The following LNPK variants were observed in gnomAD, a reference collection of about 807,000 sequenced individuals.
The protein encoded by LNPK is lunapark, ER junction formation factor.
A neutral mutation model predicts 55.2 loss-of-function variants in LNPK; 29 were observed. The observed-to-expected ratio is 0.53, with a 90% CI of 0.39 to 0.72. LNPK has a LOEUF of 0.72. Among genes scored for constraint, LNPK ranks in the 30% least tolerant of loss-of-function variants. The probability of loss-of-function intolerance (pLI) is 0.00; values close to 1 mark genes in which losing one functional copy is unlikely to be tolerated. For missense variants in LNPK, 467 were observed against 494.8 expected (o/e 0.94, Z 0.53); for synonymous variants, 162 against 168.2 (o/e 0.96, Z 0.29).
chr2:175,957,905 T>C (rs1434346811), intron 8 of LNPK, among the ~76,000 whole-genome samples: 1 of 152,224 alleles, frequency 6.6e-6, no homozygotes, highest in Non-Finnish European at 1.5e-5. Flanking sequence ...CAGGGGATTA[T>C]ATCCCGTGTC....
intron 4 of LNPK, among the ~76,000 whole-genome samples, chr2:175,989,363 TA>T (rs1687582709): frequency 6.6e-6 from 1 of 151,914 alleles, no homozygotes; most frequent in Non-Finnish European, 1.5e-5. Flanking sequence ...CAAAAACAAA[TA>T]AAAAAATTAT....
At chr2:175,971,203 A>T (rs1237234179) in intron 5 of LNPK, among the ~76,000 whole-genome samples, 2 of 152,136 alleles carry the variant, frequency 1.3e-5, no homozygotes. Flanking sequence ...TTTGTTTATA[A>T]GGAAATAAAT....
intron 4 of LNPK, among the ~76,000 whole-genome samples, chr2:175,988,174 C>G (rs1359840978): frequency 6.6e-6 from 1 of 151,958 alleles, no homozygotes; most frequent in Non-Finnish European, 1.5e-5. Context: ...TCCAATTTAT[C>G]AAAATGTTTT....
intron 12 of LNPK, among the ~76,000 whole-genome samples, chr2:175,934,630 C>T (rs1168195644): frequency 2.0e-5 from 3 of 151,936 alleles, no homozygotes; most frequent in Non-Finnish European, 4.4e-5. Flanking sequence ...TATCACATAC[C>T]ATAAAAAGAA....
At chr2:175,965,186 G>A (rs819041) in intron 6 of LNPK, among the ~76,000 whole-genome samples, 41,486 of 152,040 alleles carry the variant, frequency 0.27, 6,264 homozygotes, top group South Asian at 0.42. Context: ...AACAACTTTA[G>A]AGGAAAAAAC....
At chr2:175,950,488 T>C (rs1685343415) in intron 8 of LNPK, among the ~76,000 whole-genome samples, 1 of 152,136 alleles carries the variant, frequency 6.6e-6, no homozygotes, top group African/African-American at 2.4e-5. Flanking sequence ...ATAAATTGTA[T>C]GCAAGTATGT....
intron 4 of LNPK, among the ~76,000 whole-genome samples, chr2:175,984,406 C>G (rs1687315019): frequency 6.6e-6 from 1 of 151,974 alleles, no homozygotes; most frequent in African/African-American, 2.4e-5. Context: ...GAACTCCTGA[C>G]TTCATGATCT....
At chr2:175,981,441 G>A (rs1417313594) in intron 4 of LNPK, among the ~76,000 whole-genome samples, 1 of 152,168 alleles carries the variant, frequency 6.6e-6, no homozygotes, top group African/African-American at 2.4e-5. Context: ...ATCAGCCAAA[G>A]TGAGTAGGAT....
chr2:175,986,970 GA>G (rs745941194), intron 4 of LNPK, among the ~76,000 whole-genome samples: 191 of 119,048 alleles, frequency 1.6e-3, no homozygotes, highest in African/African-American at 4.4e-3. Flanking sequence ...TATCAAACAA[GA>G]AAAAAAAAAA....
At position 175,993,751 on chromosome 2, in the gene LNPK, C is replaced by A. The variant is rs746802277; in HGVS notation, c.28-528G>T. 4.0e-5 allele frequency among the ~76,000 whole-genome samples: 6 copies of A among 151,868 alleles called. No individual in the cohort carries two copies. The East Asian group carries it at 1.2e-3, about 29-fold the overall frequency. ...GAGGTTGCAGTGAGCCGAGATCGCA[C>A]CACTGCACTCCAGCCTGGGTGACAG... On this transcript the variant is annotated intron_variant, in intron 2 of 12. Coordinates refer to ENST00000272748, the MANE Select transcript of LNPK (RefSeq NM_030650.3).
rs530269911 is a variant in LNPK at position 175,960,463 on chromosome 2, G to GGTAAATAACAAAATGAAGGC, written c.493+3889_493+3908dup. Reference sequence around the variant, plus strand: ...ACAACCTGCTCCTGAATGACTACTAGGTAAATAACAAAATGAAGGCAGAAA... The same window carrying GGTAAATAACAAAATGAAGGC: ...ACAACCTGCTCCTGAATGACTACTAGGTAAATAACAAAATGAAGGCGTAAATAACAAAATGAAGGCAGAAA... On this transcript the variant is annotated intron_variant, in intron 8 of 12. Transcript: ENST00000272748. Among the ~76,000 whole-genome samples the GGTAAATAACAAAATGAAGGC allele has an allele frequency of 1.0e-3, 159 of 152,084 alleles. 1 individual carries two copies. The highest frequency in any genetic ancestry group is 3.4e-3 in the African/African-American group (142 of 41,476).
intron 2 of LNPK, among the ~76,000 whole-genome samples, chr2:175,994,650 G>T (rs930210066): frequency 2.0e-5 from 3 of 151,988 alleles, no homozygotes; most frequent in Non-Finnish European, 1.5e-5. Context: ...CTCCCGCGTA[G>T]CTGGGATTGC....
chr2:175,980,298 T>G (rs904398390), intron 4 of LNPK, among the ~76,000 whole-genome samples: 3 of 152,156 alleles, frequency 2.0e-5, no homozygotes, highest in Non-Finnish European at 4.4e-5. Context: ...ATTATACAAA[T>G]GTAAGTTGCC....
intron 8 of LNPK, among the ~76,000 whole-genome samples, chr2:175,948,336 A>C (rs1240665884): frequency 6.6e-6 from 1 of 152,256 alleles, no homozygotes; most frequent in Non-Finnish European, 1.5e-5. Flanking sequence ...AACAGGGGTC[A>C]GCAAGCATGC....
rs561163061 is a variant in LNPK, at chr2:175,926,285, TG to T, written c.*3681del. On this transcript the variant is annotated 3_prime_UTR_variant, in exon 13 of 13. Coordinates refer to ENST00000272748, the MANE Select transcript of LNPK (RefSeq NM_030650.3). ...ATTGGAAGGTGGAGCCTAATGGAGA[TG>T]TTTAGGTCATGAGGGTGAAGCCCTC... is the stretch of plus-strand genomic sequence containing the variant. The T allele has an allele frequency of 6.6e-5, 10 of 152,126 alleles. No homozygotes were observed. Among genetic ancestry groups the T allele is most frequent in the Non-Finnish European group, 1.5e-4 (10 of 68,036 alleles). 9.4% of individuals were successfully genotyped at this position (152,126 alleles called of 1,614,324 possible).
chr2:175,983,582 G>C (rs554693284), intron 4 of LNPK, among the ~76,000 whole-genome samples: 3 of 152,134 alleles, frequency 2.0e-5, no homozygotes, highest in Admixed American at 2.0e-4. Context: ...AACTCACTAA[G>C]GTAAAAGAAA....
intron 4 of LNPK, among the ~76,000 whole-genome samples, chr2:175,989,509 G>C (rs1452711649): frequency 6.6e-6 from 1 of 152,060 alleles, no homozygotes; most frequent in African/African-American, 2.4e-5. Flanking sequence ...AGTTAACATA[G>C]TTAACTAAGC....
At chr2:175,993,844 CA>C (rs565861984) in intron 2 of LNPK, among the ~76,000 whole-genome samples, 11 of 151,326 alleles carry the variant, frequency 7.3e-5, no homozygotes, top group African/African-American at 2.2e-4. Context: ...CGTTTTCCTC[CA>C]AAAAAAATTC....
chr2:175,935,832 GCTAA>G (rs1030421470), intron 12 of LNPK: 73 of 434,418 alleles, frequency 1.7e-4, no homozygotes, highest in Non-Finnish European at 2.1e-4. Flanking sequence ...GGTGTTGTTT[GCTAA>G]CTATCTATCT....
Sources: allele counts gnomAD v4.1 joint callset (sites outside exome capture counted in the v4.1 genomes callset), GRCh38; gene constraint gnomAD v4.1.1; transcripts MANE v1.5; gene names NCBI Gene and HGNC (gene_info 2026-07-23, HGNC 2026-07-21).